Variants in SLX4 observed in about 807,000 individuals in gnomAD.
The protein encoded by SLX4 is SLX4 structure-specific endonuclease subunit, also known as structure-specific endonuclease subunit SLX4.
In SLX4, 112 loss-of-function variants were observed where a neutral mutation model predicts 146.2. That is an observed-to-expected ratio of 0.77 (90% CI 0.66 to 0.90). The LOEUF (loss-of-function observed/expected upper bound fraction) is 0.90. Ranked by LOEUF, SLX4 falls within the 40% of genes least tolerant of loss-of-function variation. SLX4 has a pLI of 0.00. For synonymous variants in SLX4, 1,061 were observed against 997.7 expected (o/e 1.06, Z -1.20); for missense variants, 2,563 against 2,392.7 (o/e 1.07, Z -1.49).
chr16:3,589,718 T>A lies in SLX4; in HGVS notation c.3920A>T (p.Lys1307Met). ...GNREGNEVAQKFSVIRPQTPP... is the reference protein window; with the variant it reads ...GNREGNEVAQMFSVIRPQTPP... ...TGTCTGGGGCCTGATGACAGAAAACTTCTGTGCGACTTCGTTCCCTTCCCT... is the reference window on the plus strand; with the variant it reads ...TGTCTGGGGCCTGATGACAGAAAACATCTGTGCGACTTCGTTCCCTTCCCT... The change falls in exon 12 of 15, where the codon AAG (lysine) becomes ATG (methionine). Residue 1307 changes from lysine (K) to methionine (M), a missense_variant. By Grantham distance (95) the Lys-to-Met change is moderately conservative. Coordinates refer to ENST00000294008, the MANE Select transcript of SLX4 (RefSeq NM_032444.4). This position sits in a 1 kb window ranked among gnomAD's most constrained non-coding sequence, Gnocchi z 6.2. 6.2e-7 allele frequency: 1 copy of A among 1,613,854 alleles called. No individual in the cohort carries two copies. Among genetic ancestry groups the A allele is most frequent in the Non-Finnish European group, 8.5e-7 (1 of 1,179,944 alleles).
At position 3,583,312 on chromosome 16, in the gene SLX4, C is replaced by T. The variant is rs753721472; in HGVS notation, c.4938G>A (p.Glu1646=). ...PSRAGVHAQQ[E]ATTGPGAHRP... is the part of the protein sequence containing the mutation. ...TATGGGCCCCAGGTCCTGTGGTGGC[C>T]TCCTGCTGGGCATGGACCCCTGCCC... The change falls in exon 14 of 15, where the codon GAG becomes GAA. Residue 1646 remains glutamate (E), a synonymous_variant. Coordinates refer to ENST00000294008, the MANE Select transcript of SLX4 (RefSeq NM_032444.4). 1.2e-6 allele frequency: 2 copies of T among 1,614,138 alleles called. No individual in the cohort carries two copies. The highest frequency in any genetic ancestry group is 1.1e-5 in the South Asian group (1 of 91,078).
intron 1 of SLX4, among the ~76,000 whole-genome samples, chr16:3,610,541 G>A (rs977037697): frequency 1.3e-5 from 2 of 152,158 alleles, no homozygotes; most frequent in African/African-American, 4.8e-5. Context: ...TGTCTTTACG[G>A]CAAGGAAACA....
rs1200680886 is a variant in SLX4, at chr16:3,597,837, C to A, written c.1326G>T (p.Arg442Ser). ...TCCTCTCAGAAAAGGCACTTTCCAGCCTGAGCGCTGGTACAGCCGCACCCG... is the reference window on the plus strand; with the variant it reads ...TCCTCTCAGAAAAGGCACTTTCCAGACTGAGCGCTGGTACAGCCGCACCCG... ...MEPGAAVPAL[R>S]LESAFSERIR... is the part of the protein sequence containing the mutation. The change falls in exon 6 of 15, where the codon AGG (arginine) becomes AGT (serine). Residue 442 changes from arginine to serine, a missense_variant. Physicochemically the swap from Arg to Ser is moderately radical, Grantham distance 110. Transcript: ENST00000294008. This position sits in a 1 kb window ranked among gnomAD's most constrained non-coding sequence, Gnocchi z 4.4. 1.9e-6 allele frequency: 3 copies of A among 1,614,022 alleles called. No individual in the cohort carries two copies. The African/African-American group carries it at 4.0e-5, about 22-fold the overall frequency.
rs1023831839 is a variant in SLX4 at position 3,604,537 on chromosome 16, G to A, written c.760+1937C>T. Among the ~76,000 whole-genome samples, 7 of 152,020 alleles carry A rather than the reference G, an allele frequency of 4.6e-5. No homozygotes were observed. The South Asian group carries it at 1.0e-3, about 23-fold the overall frequency. ...GATAATATGGAAGAAAAATATGTAC[G>A]CTTGGCTAGGCACGGTGGCTCACGT... On this transcript the variant is annotated intron_variant, in intron 3 of 14. Transcript: ENST00000294008.
rs1403872517 is a variant in SLX4 at position 3,589,728 on chromosome 16, C to A, written c.3910G>T (p.Val1304Phe). The A allele has an allele frequency of 1.2e-6, 2 of 1,613,958 alleles. No individual in the cohort carries two copies. The highest frequency in any genetic ancestry group is 1.7e-6 in the Non-Finnish European group (2 of 1,180,040). Residue 1304 changes from valine (V) to phenylalanine (F), a missense_variant, in exon 12 of 15, where the codon GTC becomes TTC. Coordinates refer to ENST00000294008, the MANE Select transcript of SLX4 (RefSeq NM_032444.4). The surrounding 1 kb of genome is among the most constrained non-coding windows in gnomAD (Gnocchi z 6.2). ...ASVGNREGNE[V>F]AQKFSVIRPQ... The stretch of plus-strand genomic sequence containing the variant: ...CTGATGACAGAAAACTTCTGTGCGA[C>A]TTCGTTCCCTTCCCTGTTTCCTACT...
intron 12 of SLX4, 127 bp downstream of exon 12, chr16:3,588,875 A>C: frequency 8.6e-7 from 1 of 1,156,610 alleles, no homozygotes; most frequent in Non-Finnish European, 1.3e-6. Flanking sequence ...AGGCAGCGGA[A>C]GTGTCATGCC....
chr16:3,589,897 C>T lies in SLX4; in HGVS notation c.3741G>A (p.Glu1247=), dbSNP rs769032315. 4.3e-6 allele frequency: 7 copies of T among 1,613,682 alleles called. No homozygotes were observed. The highest frequency in any genetic ancestry group is 5.9e-6 in the Non-Finnish European group (7 of 1,179,974). The stretch of plus-strand genomic sequence containing the variant: ...GCCACGAGGTGTCTGTGGTGCTGGC[C>T]TCGCTGGGGCTGCTCTCACGGTCAC... The part of the protein sequence containing the change: ...LFCDRESSPS[E]ASTTDTSWLV... The change falls in exon 12 of 15, where the codon GAG becomes GAA. Residue 1247 remains glutamate (E), a synonymous_variant. Transcript: ENST00000294008. This position sits in a 1 kb window ranked among gnomAD's most constrained non-coding sequence, Gnocchi z 6.2.
Position 3,604,180 on chromosome 16 carries a change from C to G in SLX4, c.761-1873G>C, listed in dbSNP as rs142771711. ...CTGGGAGGCAGAGGTTGCAGTGAACCGAGATTGTGCCACTGCACTCTAGCC... is the reference window on the plus strand; with the variant it reads ...CTGGGAGGCAGAGGTTGCAGTGAACGGAGATTGTGCCACTGCACTCTAGCC... On this transcript the variant is annotated intron_variant, in intron 3 of 14. Transcript: ENST00000294008. 1.3e-4 allele frequency among the ~76,000 whole-genome samples: 19 copies of G among 147,706 alleles called. No individual in the cohort carries two copies. The East Asian group carries it at 3.4e-3, about 26-fold the overall frequency.
rs758283907 is a variant in SLX4, at chr16:3,583,374, A to G, written c.4876T>C (p.Cys1626Arg). Residue 1626 changes from cysteine to arginine, a missense_variant, in exon 14 of 15, where the codon TGC becomes CGC. Coordinates refer to ENST00000294008, the MANE Select transcript of SLX4 (RefSeq NM_032444.4). ...SSQPLLQAPH[C>R]QTLASQTYKP... ...TAGGTCTGGGAGGCGAGGGTCTGGC[A>G]GTGAGGCGCCTGCAACAGCGGCTGT... 1.1e-5 allele frequency: 17 copies of G among 1,613,166 alleles called. No individual in the cohort carries two copies. In the South Asian group the frequency reaches 1.9e-4, roughly 18 times the overall value.
chr16:3,583,543 C>T (rs759432253), intron 13 of SLX4, 33 bp from the exon 14 acceptor site: 18 of 1,612,744 alleles, frequency 1.1e-5, no homozygotes, highest in African/African-American at 1.3e-5. Context: ...TCAGGACCCA[C>T]CCACACAGCT....
In SLX4 at chr16:3,608,972, C is replaced by G. The variant is rs752563780; in HGVS notation, c.-8G>C. ...ATTCACACTCAGTTTCATTAGGGTT[C>G]TTCTCTACTTCTCCATTAGATACTT... On this transcript the variant is annotated 5_prime_UTR_variant, in exon 2 of 15. Transcript: ENST00000294008. 3 of 1,611,082 alleles carry G rather than the reference C, an allele frequency of 1.9e-6. No individual in the cohort carries two copies. The highest frequency in any genetic ancestry group is 2.5e-6 in the Non-Finnish European group (3 of 1,179,900).
rs1555450470 is a variant in SLX4 at position 3,591,252 on chromosome 16, C to T, written c.2386G>A (p.Glu796Lys). ...TCCTTCTCCTCCCATGGTTTGCCCT[C>T]TGAGTCAGTGGCAATAGGCACCTGT... ...CEQVPIATDS[E>K]GKPWEEKEAE... is the part of the protein sequence containing the mutation. Residue 796 changes from glutamate (E) to lysine (K), a missense_variant, in exon 12 of 15, where the codon GAG becomes AAG. Physicochemically the swap from Glu to Lys is moderately conservative, Grantham distance 56 (BLOSUM62 1). Transcript: ENST00000294008. 1 of 1,613,270 alleles carries T rather than the reference C, an allele frequency of 6.2e-7. No individual in the cohort carries two copies. Among genetic ancestry groups the T allele is most frequent in the South Asian group, 1.1e-5 (1 of 91,088 alleles).
rs370637700 is a variant in SLX4, at chr16:3,589,130, G to T, written c.4508C>A (p.Pro1503Gln). 1 of 1,613,930 alleles carries T rather than the reference G, an allele frequency of 6.2e-7. No homozygotes were observed. Among genetic ancestry groups the T allele is most frequent in the Non-Finnish European group, 8.5e-7 (1 of 1,179,982 alleles). Residue 1503 changes from proline to glutamine, a missense_variant, in exon 12 of 15, where the codon CCG becomes CAG. Coordinates refer to ENST00000294008, the MANE Select transcript of SLX4 (RefSeq NM_032444.4). This position sits in a 1 kb window ranked among gnomAD's most constrained non-coding sequence, Gnocchi z 6.2. Reference protein sequence around the residue: ...SGAGSLGNSRPSFLNSALWDV... With the variant: ...SGAGSLGNSRQSFLNSALWDV... Reference sequence around the variant, plus strand: ...CCACAGAGCCGAATTCAGAAAGCTCGGCCTGCTATTCCCCAGGGAGCCCGC... The same window carrying T: ...CCACAGAGCCGAATTCAGAAAGCTCTGCCTGCTATTCCCCAGGGAGCCCGC...
chr16:3,595,583 G>A (rs763860712), intron 9 of SLX4, 22 bp downstream of exon 9: 62 of 1,612,502 alleles, frequency 3.8e-5, no homozygotes, highest in East Asian at 2.2e-4. Flanking sequence ...ACCAGAGAGC[G>A]CGGGCCAGAG....
intron 2 of SLX4, 27 bp downstream of exon 2, chr16:3,608,403 C>T: frequency 6.2e-7 from 1 of 1,613,874 alleles, no homozygotes; most frequent in Non-Finnish European, 8.5e-7. Context: ...AGTTTTCCAG[C>T]CCCTGGTTTA....
chr16:3,591,528 C>G (rs2040596160), intron 11 of SLX4, among the ~76,000 whole-genome samples: 1 of 152,178 alleles, frequency 6.6e-6, no homozygotes, highest in Non-Finnish European at 1.5e-5. Context: ...AGCAGGGCTT[C>G]CTAACTATAG....
At position 3,597,480 on chromosome 16, in the gene SLX4, T is replaced by A. The variant is rs1376475349; in HGVS notation, c.1582A>T (p.Ser528Cys). The change falls in exon 7 of 15, where the codon AGC (serine) becomes TGC (cysteine). Residue 528 changes from serine to cysteine, a missense_variant. By Grantham distance (112) the Ser-to-Cys change is moderately radical. Transcript: ENST00000294008. This position sits in a 1 kb window ranked among gnomAD's most constrained non-coding sequence, Gnocchi z 4.4. ...AGTGCGCTGCCCTCCCACAGAAAGC[T>A]CTGCTTGCGTTCAGGTGGAGGAGGA... The part of the protein sequence containing the change: ...QCPPPPERKQ[S>C]FLWEGSALTG... 1.2e-6 allele frequency: 2 copies of A among 1,613,874 alleles called. No homozygotes were observed. Among genetic ancestry groups the A allele is most frequent in the African/African-American group, 2.7e-5 (2 of 74,882 alleles).
At chr16:3,587,747 A>C (rs922374726) in intron 12 of SLX4, among the ~76,000 whole-genome samples, 2 of 152,118 alleles carry the variant, frequency 1.3e-5, no homozygotes, top group Admixed American at 1.3e-4. Context: ...GTGCTATAAG[A>C]AGCTCTCCAG....
chr16:3,600,674 C>A (rs2040716531), intron 5 of SLX4: 1 of 332,464 alleles, frequency 3.0e-6, no homozygotes, highest in South Asian at 2.3e-5. Flanking sequence ...GATCTTGGCT[C>A]ACTGCAACCT....
Sources: allele counts gnomAD v4.1 joint callset (sites outside exome capture counted in the v4.1 genomes callset), GRCh38; gene constraint gnomAD v4.1.1; non-coding constraint Gnocchi (gnomAD v3.1); transcripts MANE v1.5; gene names NCBI Gene and HGNC (gene_info 2026-07-23, HGNC 2026-07-21).